PLXNA4: variants seen among roughly 807,000 people sequenced by gnomAD.
PLXNA4 encodes plexin A4.
In PLXNA4, 44 loss-of-function variants were observed where a neutral mutation model predicts 191.8. That is an observed-to-expected ratio of 0.23 (90% CI 0.18 to 0.29). PLXNA4 has a LOEUF of 0.29. PLXNA4 is among the 10% of genes least tolerant of loss of function. PLXNA4 has a pLI of 1.00. For synonymous variants in PLXNA4, 1,082 were observed against 1,009.5 expected (o/e 1.07, Z -1.36); for missense variants, 1,800 against 2,488.8 (o/e 0.72, Z 5.89).
chr7:132,276,651 C>A (rs767846855), intron 4 of PLXNA4, among the ~76,000 whole-genome samples: 1 of 152,134 alleles, frequency 6.6e-6, no homozygotes, highest in Non-Finnish European at 1.5e-5. Context: ...ATCTGGTTAG[C>A]CCTGTTATTA....
At position 132,508,162 on chromosome 7, in the gene PLXNA4, T is replaced by C. The variant is rs766762723; in HGVS notation, c.532A>G (p.Asn178Asp). The C allele has an allele frequency of 9.9e-6, 16 of 1,614,170 alleles. No homozygotes were observed. Among genetic ancestry groups the C allele is most frequent in the Non-Finnish European group, 1.4e-5 (16 of 1,180,014 alleles). Residue 178 changes from asparagine (N) to aspartate (D), a missense_variant, in exon 2 of 32, where the codon AAC becomes GAC. Asn to Asp is a conservative substitution (Grantham distance 23). Coordinates refer to ENST00000321063, the MANE Select transcript of PLXNA4 (RefSeq NM_020911.2). The surrounding 1 kb of genome is among the most constrained non-coding windows in gnomAD (Gnocchi z 4.4). ...GCAATGAACAGCTTGTCATCCAGGT[T>C]GCTGTAGGAGACGATCACTCCAAAG... ...SVFGVIVSYSNLDDKLFIATA... is the reference protein window; with the variant it reads ...SVFGVIVSYSDLDDKLFIATA...
At chr7:132,531,436 A>T (rs890478889) in intron 1 of PLXNA4, among the ~76,000 whole-genome samples, 11 of 152,356 alleles carry the variant, frequency 7.2e-5, no homozygotes, top group African/African-American at 1.9e-4. Flanking sequence ...GGTAGATATT[A>T]TTATGATCTT....
chr7:132,527,917 T>C lies in PLXNA4; in HGVS notation c.-86-19138A>G, dbSNP rs144137920. Among the ~76,000 whole-genome samples the C allele has an allele frequency of 3.1e-3, 468 of 152,248 alleles. 3 individuals carry two copies. The highest frequency in any genetic ancestry group is 0.014 in the South Asian group (68 of 4,826). On this transcript the variant is annotated intron_variant, in intron 1 of 31. Transcript: ENST00000321063. Reference sequence around the variant, plus strand: ...CCTGGAACAAGGAGATAAGGTGACCTTCTGAGAGTTAATTTAGTAACAATC... The same window carrying C: ...CCTGGAACAAGGAGATAAGGTGACCCTCTGAGAGTTAATTTAGTAACAATC...
At chr7:132,254,324 T>C (rs1163688411) in intron 4 of PLXNA4, among the ~76,000 whole-genome samples, 1 of 152,236 alleles carries the variant, frequency 6.6e-6, no homozygotes, top group Non-Finnish European at 1.5e-5. Flanking sequence ...TGATGAATTA[T>C]GAAACCACTA....
At chr7:132,131,695 CAG>C (rs1484829538) in intron 31 of PLXNA4, among the ~76,000 whole-genome samples, 3 of 152,364 alleles carry the variant, frequency 2.0e-5, no homozygotes, top group Admixed American at 6.5e-5. Context: ...TGTAGACTAA[CAG>C]AGAATCCTTT....
At chr7:132,424,774 A>G (rs1239535419) in intron 3 of PLXNA4, among the ~76,000 whole-genome samples, 1 of 152,242 alleles carries the variant, frequency 6.6e-6, no homozygotes, top group Non-Finnish European at 1.5e-5. Context: ...AAAACATCAC[A>G]TTATATAATC....
At chr7:132,472,575 C>A (rs1796969895) in intron 3 of PLXNA4, among the ~76,000 whole-genome samples, 1 of 152,186 alleles carries the variant, frequency 6.6e-6, no homozygotes, top group African/African-American at 2.4e-5. Flanking sequence ...ACACCCCCAG[C>A]CGACCGCCTC....
intron 3 of PLXNA4, among the ~76,000 whole-genome samples, chr7:132,339,828 G>T (rs1585011092): frequency 6.6e-6 from 1 of 152,132 alleles, no homozygotes; most frequent in East Asian, 1.9e-4. Flanking sequence ...TTAGATTATA[G>T]AATATTTGAT....
In PLXNA4 at chr7:132,384,788, ACACT is replaced by A. The variant is rs1233080772; in HGVS notation, c.1372-86570_1372-86567del. ...CACACACACACACACACACACACAC[ACACT>A]GGCCAGGCGACTTGGCTGCAGAAGT... On this transcript the variant is annotated intron_variant, in intron 3 of 31. Coordinates refer to ENST00000321063, the MANE Select transcript of PLXNA4 (RefSeq NM_020911.2). 4.7e-5 allele frequency: 50 copies of A among 1,055,336 alleles called. No individual in the cohort carries two copies. The Middle Eastern group carries it at 2.2e-3, about 46-fold the overall frequency. The allele number at this position is 1,055,336 out of a possible 1,614,324, so 65.4% of individuals were successfully genotyped here. A position where few individuals can be genotyped will look rare whatever the true frequency, so the allele number is the denominator to read the frequency against.
At chr7:132,524,535 A>G (rs554246195) in intron 1 of PLXNA4, among the ~76,000 whole-genome samples, 1 of 152,208 alleles carries the variant, frequency 6.6e-6, no homozygotes. Context: ...AGCCTGAAGG[A>G]AATTAGGCTG....
chr7:132,290,446 T>G (rs1800842482), intron 4 of PLXNA4, among the ~76,000 whole-genome samples: 1 of 152,214 alleles, frequency 6.6e-6, no homozygotes, highest in African/African-American at 2.4e-5. Context: ...CCACCTCATC[T>G]TCTCATTTAT....
chr7:132,499,940 C>T (rs1324672935), intron 2 of PLXNA4, among the ~76,000 whole-genome samples: 1 of 152,124 alleles, frequency 6.6e-6, no homozygotes, highest in African/African-American at 2.4e-5. Flanking sequence ...CATAGGGCCA[C>T]ACACACTAGG....
At chr7:132,318,177 T>C (rs1802020007) in intron 3 of PLXNA4, among the ~76,000 whole-genome samples, 1 of 151,984 alleles carries the variant, frequency 6.6e-6, no homozygotes, top group South Asian at 2.1e-4. Flanking sequence ...GGGTAGCATC[T>C]CAGGGCCCTG....
At chr7:132,436,142 CTG>C (rs1371938976) in intron 3 of PLXNA4, among the ~76,000 whole-genome samples, 1 of 152,184 alleles carries the variant, frequency 6.6e-6, no homozygotes, top group Non-Finnish European at 1.5e-5. Context: ...CCTGGAGACT[CTG>C]TCCCTGGAAA....
Position 132,508,036 on chromosome 7 carries a change from C to G in PLXNA4, c.658G>C (p.Asp220His). The stretch of plus-strand genomic sequence containing the variant: ...TTAATCATCGAGGCCACGAACTCAT[C>G]ATGGAAGACGTACGCGAACATGCCA... ...ADGMFAYVFH[D>H]EFVASMIKIP... is the part of the protein sequence containing the mutation. Residue 220 changes from aspartate to histidine, a missense_variant, in exon 2 of 32, where the codon GAT becomes CAT. Around this residue, in one of 6 missense-constraint regions of PLXNA4, gnomAD observed 1,397 missense variants for 1,880.4 expected, o/e 0.74. Coordinates refer to ENST00000321063, the MANE Select transcript of PLXNA4 (RefSeq NM_020911.2). This position sits in a 1 kb window ranked among gnomAD's most constrained non-coding sequence, Gnocchi z 4.4. The G allele has an allele frequency of 6.2e-7, 1 of 1,614,218 alleles. No homozygotes were observed. Among genetic ancestry groups the G allele is most frequent in the Non-Finnish European group, 8.5e-7 (1 of 1,180,048 alleles).
At chr7:132,297,690 C>A (rs1801141454) in intron 4 of PLXNA4, among the ~76,000 whole-genome samples, 1 of 152,158 alleles carries the variant, frequency 6.6e-6, no homozygotes, top group Admixed American at 6.5e-5. Flanking sequence ...ACTCTTTTGG[C>A]AATAAATTCT....
At chr7:132,453,820 G>T (rs563748149) in intron 3 of PLXNA4, among the ~76,000 whole-genome samples, 1 of 152,286 alleles carries the variant, frequency 6.6e-6, no homozygotes, top group African/African-American at 2.4e-5. Flanking sequence ...GATTATAGGC[G>T]TGAGCCACCG....
At chr7:132,402,025 C>T (rs779764627) in intron 3 of PLXNA4, among the ~76,000 whole-genome samples, 43 of 152,226 alleles carry the variant, frequency 2.8e-4, no homozygotes, top group Middle Eastern at 3.4e-3. Flanking sequence ...GCCTTAGATT[C>T]CCCAGTCGAG....
chr7:132,538,795 A>G (rs1164495828), intron 1 of PLXNA4, among the ~76,000 whole-genome samples: 3 of 152,132 alleles, frequency 2.0e-5, no homozygotes, highest in Admixed American at 2.0e-4. Context: ...AGCTGCTGCC[A>G]TCATGACCAA....
Sources: allele counts gnomAD v4.1 joint callset (sites outside exome capture counted in the v4.1 genomes callset), GRCh38; gene constraint gnomAD v4.1.1; regional missense constraint gnomAD v4.1.1; non-coding constraint Gnocchi (gnomAD v3.1); transcripts MANE v1.5; gene names NCBI Gene and HGNC (gene_info 2026-07-23, HGNC 2026-07-21).